Variants in ALK observed in about 807,000 individuals in gnomAD.
ALK encodes ALK tyrosine kinase receptor.
In ALK, 74 loss-of-function variants were observed where a neutral mutation model predicts 163.1. That is an observed-to-expected ratio of 0.45 (90% CI 0.38 to 0.55). The LOEUF (loss-of-function observed/expected upper bound fraction) is 0.55. ALK is among the 20% of genes least tolerant of loss of function. The probability of loss-of-function intolerance (pLI) is 0.00; values close to 1 mark genes in which losing one functional copy is unlikely to be tolerated. For synonymous variants in ALK, 960 were observed against 843.2 expected (o/e 1.14, Z -2.40); for missense variants, 2,063 against 2,105.3 (o/e 0.98, Z 0.39).
At chr2:29,636,308 T>C (rs1380770221) in intron 3 of ALK, among the ~76,000 whole-genome samples, 1 of 149,712 alleles carries the variant, frequency 6.7e-6, no homozygotes, top group African/African-American at 2.5e-5. Flanking sequence ...TTGGAGCAAT[T>C]GGACATCCAG....
intron 1 of ALK, among the ~76,000 whole-genome samples, chr2:29,737,919 G>C (rs1052744451): frequency 6.6e-6 from 1 of 152,052 alleles, no homozygotes; most frequent in Non-Finnish European, 1.5e-5. Flanking sequence ...CCATCATGAG[G>C]ATAGCTGAGC....
intron 3 of ALK, among the ~76,000 whole-genome samples, chr2:29,560,497 G>C (rs1332187090): frequency 3.3e-5 from 5 of 152,146 alleles, no homozygotes; most frequent in Non-Finnish European, 7.3e-5. Flanking sequence ...TTTAAAATTA[G>C]ATTGTGGTGA....
intron 3 of ALK, among the ~76,000 whole-genome samples, chr2:29,674,422 A>C (rs80294335): frequency 1.7e-4 from 25 of 149,426 alleles, no homozygotes; most frequent in East Asian, 6.0e-4. Context: ...TTCTGCATCT[A>C]TTGAGATAAT....
intron 22 of ALK, 83 bp downstream of exon 22, chr2:29,222,261 G>A (rs1669822831): frequency 8.0e-7 from 1 of 1,250,194 alleles, no homozygotes; most frequent in South Asian, 1.3e-5. Flanking sequence ...ATTTCCCTTG[G>A]AGATATCGAT....
chr2:29,417,330 C>T (rs1669906395), intron 4 of ALK, among the ~76,000 whole-genome samples: 1 of 152,158 alleles, frequency 6.6e-6, no homozygotes, highest in South Asian at 2.1e-4. Flanking sequence ...CCTTTCTTTG[C>T]TTTGCTAATC....
intron 4 of ALK, among the ~76,000 whole-genome samples, chr2:29,422,211 T>C (rs965097152): frequency 6.6e-6 from 1 of 151,476 alleles, no homozygotes; most frequent in Non-Finnish European, 1.5e-5. Context: ...AGAACTTTAA[T>C]GATATCAAAG....
intron 4 of ALK, among the ~76,000 whole-genome samples, chr2:29,395,999 G>A (rs1351950540): frequency 6.8e-6 from 1 of 146,290 alleles, no homozygotes; most frequent in East Asian, 1.9e-4. Context: ...CGTTTGTTTT[G>A]CTTTTTCTCT....
At chr2:29,886,106 A>C (rs1231659214) in intron 1 of ALK, among the ~76,000 whole-genome samples, 1 of 152,198 alleles carries the variant, frequency 6.6e-6, no homozygotes, top group East Asian at 1.9e-4. Context: ...TCCACTTAAT[A>C]AATAGTAAAC....
intron 1 of ALK, among the ~76,000 whole-genome samples, chr2:29,883,021 T>G (rs1666903492): frequency 6.7e-6 from 1 of 149,988 alleles, no homozygotes; most frequent in Admixed American, 6.7e-5. Context: ...TGATAGAGAA[T>G]TTTTTCATGA....
At chr2:29,618,994 A>T (rs1308902846) in intron 3 of ALK, among the ~76,000 whole-genome samples, 1 of 85,234 alleles carries the variant, frequency 1.2e-5, no homozygotes, top group East Asian at 4.1e-4. Context: ...ATAAATAAAA[A>T]ATAAATAAAA....
chr2:29,512,942 G>GGGAC (rs1466032562), intron 4 of ALK, among the ~76,000 whole-genome samples: 1 of 150,806 alleles, frequency 6.6e-6, no homozygotes, highest in Non-Finnish European at 1.5e-5. Flanking sequence ...CACCTTACAA[G>GGGAC]GGACGTGAAG....
At chr2:29,326,866 G>A (rs1667279512) in intron 6 of ALK, among the ~76,000 whole-genome samples, 1 of 152,182 alleles carries the variant, frequency 6.6e-6, no homozygotes, top group South Asian at 2.1e-4. Context: ...CTTCCTTGCA[G>A]GCCACTGGGG....
intron 4 of ALK, among the ~76,000 whole-genome samples, chr2:29,435,169 G>A (rs1329866058): frequency 6.6e-6 from 1 of 152,078 alleles, no homozygotes; most frequent in Non-Finnish European, 1.5e-5. Flanking sequence ...CTAACCAAAC[G>A]AAGGAAGCAA....
chr2:29,679,496 T>C (rs1677998037), intron 3 of ALK, among the ~76,000 whole-genome samples: 1 of 151,816 alleles, frequency 6.6e-6, no homozygotes, highest in Admixed American at 6.6e-5. Flanking sequence ...TGGAGTTATT[T>C]TCCTAGTGAT....
intron 4 of ALK, among the ~76,000 whole-genome samples, chr2:29,454,524 C>T (rs1431145249): frequency 1.3e-5 from 2 of 152,130 alleles, no homozygotes; most frequent in Middle Eastern, 3.4e-3. Flanking sequence ...CCCACAGACA[C>T]GAAGATCTGA....
Position 29,442,232 on chromosome 2 carries a change from G to GT in ALK, c.1155-58374dup, listed in dbSNP as rs778513426. On this transcript the variant is annotated intron_variant, in intron 4 of 28. Transcript: ENST00000389048. ...ATGCACTGAATCCAAAAACCTTATG[G>GT]TACTAGGAGATTTGGGGTGTTAATT... Among the ~76,000 whole-genome samples the GT allele has an allele frequency of 9.7e-4, 147 of 152,080 alleles. 1 individual carries two copies. The highest frequency in any genetic ancestry group is 3.8e-3 in the Admixed American group (58 of 15,276).
chr2:29,584,979 T>C (rs1046280404), intron 3 of ALK, among the ~76,000 whole-genome samples: 2 of 152,212 alleles, frequency 1.3e-5, no homozygotes, highest in African/African-American at 4.8e-5. Context: ...CTTTGCTTCG[T>C]GTGTGCTGCT....
intron 2 of ALK, among the ~76,000 whole-genome samples, chr2:29,710,766 C>T (rs1356302274): frequency 6.6e-6 from 1 of 152,154 alleles, no homozygotes; most frequent in African/African-American, 2.4e-5. Flanking sequence ...CCTGCTTGGC[C>T]TTCCAAATTG....
intron 3 of ALK, among the ~76,000 whole-genome samples, chr2:29,631,750 T>G (rs1231301336): frequency 6.6e-6 from 1 of 152,256 alleles, no homozygotes; most frequent in African/African-American, 2.4e-5. Flanking sequence ...GGCTTGAGAA[T>G]AAAGATTAGG....
Sources: gnomAD v4.1 joint callset for allele counts (sites outside exome capture counted in the v4.1 genomes callset) on GRCh38, gnomAD v4.1.1 for gene constraint, MANE v1.5 for transcripts, NCBI Gene and HGNC (gene_info 2026-07-23, HGNC 2026-07-21) for gene names.